Variants in FHOD3 observed in about 807,000 individuals in gnomAD.
The protein encoded by FHOD3 is formin homology 2 domain containing 3, also known as FH1/FH2 domain-containing protein 3.
A neutral mutation model predicts 173.0 loss-of-function variants in FHOD3; 90 were observed. That is an observed-to-expected ratio of 0.52 (90% CI 0.44 to 0.62). The LOEUF (loss-of-function observed/expected upper bound fraction) is 0.62, where lower values mean the gene tolerates loss of function less well. Among genes scored for constraint, FHOD3 ranks in the 20% least tolerant of loss-of-function variants. FHOD3 has a pLI of 0.00. For synonymous variants in FHOD3, 828 were observed against 823.0 expected, an observed-to-expected ratio of 1.01 and a Z score of -0.10; for missense variants, 1,945 against 2,034.7, an observed-to-expected ratio of 0.96 and a Z score of 0.85.
At chr18:36,596,248 G>T (rs2030360400) in intron 7 of FHOD3, among the ~76,000 whole-genome samples, 1 of 151,004 alleles carries the variant, frequency 6.6e-6, no homozygotes, top group Non-Finnish European at 1.5e-5. Context: ...TCCACCTCGT[G>T]GGTTCACGCC....
chr18:36,628,093 G>A (rs1431681359), intron 10 of FHOD3, among the ~76,000 whole-genome samples: 1 of 152,062 alleles, frequency 6.6e-6, no homozygotes, highest in Admixed American at 6.5e-5. Flanking sequence ...TTTAGAAAGG[G>A]GTTCATATTG....
intron 10 of FHOD3, among the ~76,000 whole-genome samples, chr18:36,629,806 T>G (rs1313970224): frequency 6.6e-6 from 1 of 152,058 alleles, no homozygotes; most frequent in Non-Finnish European, 1.5e-5. Flanking sequence ...AAGATTGGAC[T>G]GTGCAGGCCG....
chr18:36,530,971 C>T (rs1291065795), intron 5 of FHOD3, among the ~76,000 whole-genome samples: 2 of 152,122 alleles, frequency 1.3e-5, no homozygotes, highest in Non-Finnish European at 2.9e-5. Flanking sequence ...TGGCCTATTT[C>T]CACTGGTCCC....
At chr18:36,351,099 C>T (rs1031620373) in intron 1 of FHOD3, among the ~76,000 whole-genome samples, 6 of 152,204 alleles carry the variant, frequency 3.9e-5, no homozygotes, top group Non-Finnish European at 2.9e-5. Context: ...TGTGTTGACT[C>T]GTTTGCTGTC....
intron 3 of FHOD3, among the ~76,000 whole-genome samples, chr18:36,405,183 G>C (rs2049000841): frequency 3.3e-5 from 5 of 152,096 alleles, no homozygotes; most frequent in Admixed American, 3.3e-4. Flanking sequence ...GAAAGTTCAG[G>C]GTTAAATCCC....
chr18:36,372,451 G>C (rs2047237453), intron 2 of FHOD3, among the ~76,000 whole-genome samples: 1 of 152,196 alleles, frequency 6.6e-6, no homozygotes, highest in Non-Finnish European at 1.5e-5. Context: ...ATGGAGCTTG[G>C]CAGTGAGATG....
At chr18:36,516,141 C>G (rs2055960575) in intron 5 of FHOD3, among the ~76,000 whole-genome samples, 1 of 152,084 alleles carries the variant, frequency 6.6e-6, no homozygotes, top group Non-Finnish European at 1.5e-5. Flanking sequence ...CTGATAACTG[C>G]TGGCAGCCAC....
rs775715419 is a variant in FHOD3, at chr18:36,757,491, A to G, written c.4426-1627A>G. On this transcript the variant is annotated intron_variant, in intron 25 of 28. Coordinates refer to ENST00000590592, the MANE Select transcript of FHOD3 (RefSeq NM_001281740.3). ...CCTGGTTAAAAATGGCATATACACA[A>G]CTTAAACCACTGAAAACAAAGCCAG... is the stretch of plus-strand genomic sequence containing the variant. Among the ~76,000 whole-genome samples, 3 of 152,192 alleles carry G rather than the reference A, an allele frequency of 2.0e-5. No individual in the cohort carries two copies. The East Asian group carries it at 5.8e-4, about 29-fold the overall frequency.
intron 14 of FHOD3, among the ~76,000 whole-genome samples, chr18:36,677,915 G>T (rs994256074): frequency 2.6e-5 from 4 of 152,080 alleles, no homozygotes; most frequent in Non-Finnish European, 5.9e-5. Flanking sequence ...TTTTATAAAG[G>T]TCTTTCATAT....
intron 3 of FHOD3, among the ~76,000 whole-genome samples, chr18:36,427,454 A>G (rs572846684): frequency 3.9e-5 from 6 of 152,316 alleles, no homozygotes; most frequent in African/African-American, 1.2e-4. Flanking sequence ...ATAATAACAT[A>G]GCAGTGTTCA....
intron 3 of FHOD3, among the ~76,000 whole-genome samples, chr18:36,431,728 T>C (rs776570185): frequency 3.3e-5 from 5 of 152,230 alleles, no homozygotes; most frequent in Non-Finnish European, 4.4e-5. Context: ...ATTTGGGTTA[T>C]GTAATACTAT....
chr18:36,677,133 T>A (rs1163631877), intron 14 of FHOD3, among the ~76,000 whole-genome samples: 4 of 152,140 alleles, frequency 2.6e-5, no homozygotes, highest in Non-Finnish European at 5.9e-5. Context: ...AATTTATTTT[T>A]ATATTTGGTA....
At chr18:36,688,088 A>C (rs778856440) in intron 16 of FHOD3, among the ~76,000 whole-genome samples, 1 of 152,220 alleles carries the variant, frequency 6.6e-6, no homozygotes, top group Non-Finnish European at 1.5e-5. Context: ...TTGAATCTCA[A>C]TAAAAGATAC....
chr18:36,317,640 G>A (rs1244636176), intron 1 of FHOD3, among the ~76,000 whole-genome samples: 1 of 152,104 alleles, frequency 6.6e-6, no homozygotes, highest in African/African-American at 2.4e-5. Flanking sequence ...TTTGTCAGAT[G>A]GATAGATTGC....
chr18:36,351,310 C>T (rs192512327), intron 1 of FHOD3, among the ~76,000 whole-genome samples: 80 of 152,270 alleles, frequency 5.3e-4, no homozygotes, highest in African/African-American at 1.7e-3. Context: ...TATTAGGGAT[C>T]CGGGTTGTGA....
intron 20 of FHOD3, among the ~76,000 whole-genome samples, chr18:36,735,678 C>G (rs147679298): frequency 0.024 from 3,650 of 152,154 alleles, 67 homozygotes; most frequent in Non-Finnish European, 0.036. Flanking sequence ...AAGTAACTAC[C>G]TGGATAGAAC....
Position 36,693,381 on chromosome 18 carries a change from A to C in FHOD3, c.2194A>C (p.Thr732Pro). The part of the protein sequence containing the change: ...PSSSDSQEAL[T>P]VSASSPGTPH... ...ATCTTCAGACTCTCAAGAGGCTCTC[A>C]CGGTGTCTGCCTCCTCCCCAGGAAC... The change falls in exon 17 of 29, where the codon ACG (threonine) becomes CCG (proline). Residue 732 changes from threonine (T) to proline (P), a missense_variant. By Grantham distance (38) the Thr-to-Pro change is conservative. Around this residue, in one of 5 missense-constraint regions of FHOD3, gnomAD observed 1,099 missense variants for 1,051.2 expected, o/e 1.05. Transcript: ENST00000590592. The C allele has an allele frequency of 6.2e-7, 1 of 1,613,810 alleles. No individual in the cohort carries two copies. The highest frequency in any genetic ancestry group is 2.2e-5 in the East Asian group (1 of 44,854).
intron 19 of FHOD3, among the ~76,000 whole-genome samples, chr18:36,726,257 T>G (rs1021481581): frequency 1.3e-5 from 2 of 152,194 alleles, no homozygotes; most frequent in African/African-American, 4.8e-5. Flanking sequence ...GGTTTCTCAT[T>G]TATCCAAGTC....
Position 36,755,282 on chromosome 18 carries a change from A to C in FHOD3, c.4396A>C (p.Asn1466His), listed in dbSNP as rs1411058842. The stretch of plus-strand genomic sequence containing the variant: ...GAAACGGGCCAACCACAGAGAGAGA[A>C]ATAAGACCAGAGGGAAGATGATCAC... ...KQKRANHRER[N>H]KTRGKMITDT... Residue 1466 changes from asparagine to histidine, a missense_variant, in exon 25 of 29, where the codon AAT becomes CAT. Transcript: ENST00000590592. 1.9e-6 allele frequency: 3 copies of C among 1,604,578 alleles called. No homozygotes were observed. Among genetic ancestry groups the C allele is most frequent in the Non-Finnish European group, 1.7e-6 (2 of 1,174,440 alleles).
Sources: gnomAD v4.1 joint callset for allele counts (sites outside exome capture counted in the v4.1 genomes callset) on GRCh38, gnomAD v4.1.1 for gene constraint, gnomAD v4.1.1 regional missense constraint, MANE v1.5 for transcripts, NCBI Gene and HGNC (gene_info 2026-07-23, HGNC 2026-07-21) for gene names.